PRUNE2: variants seen among roughly 807,000 people sequenced by gnomAD.
The protein encoded by PRUNE2 is prune homolog 2 with BCH domain.
A neutral mutation model predicts 252.0 loss-of-function variants in PRUNE2; 164 were observed. The observed-to-expected ratio is 0.65, with a 90% confidence interval of 0.57 to 0.74. The LOEUF (loss-of-function observed/expected upper bound fraction) is 0.74. Ranked by LOEUF, PRUNE2 falls within the 30% of genes least tolerant of loss-of-function variation. PRUNE2 has a pLI of 0.00. For missense variants in PRUNE2, 3,495 were observed against 3,711.0 expected, an observed-to-expected ratio of 0.94 and a Z score of 1.51; for synonymous variants, 1,292 against 1,350.2, an observed-to-expected ratio of 0.96 and a Z score of 0.94.
chr9:76,616,554 A>C (rs1162644035), intron 18 of PRUNE2, among the ~76,000 whole-genome samples: 1 of 152,192 alleles, frequency 6.6e-6, no homozygotes, highest in Non-Finnish European at 1.5e-5. Flanking sequence ...TAACACTTAC[A>C]CCAGGATGCC....
intron 6 of PRUNE2, among the ~76,000 whole-genome samples, chr9:76,714,837 G>A (rs1036561929): frequency 2.0e-5 from 3 of 152,066 alleles, no homozygotes; most frequent in East Asian, 1.9e-4. Flanking sequence ...AATGTTTGTC[G>A]GATGACTGGA....
chr9:76,717,096 A>G (rs17181032), intron 6 of PRUNE2, among the ~76,000 whole-genome samples: 2,776 of 152,328 alleles, frequency 0.018, 45 homozygotes, highest in East Asian at 0.085. Flanking sequence ...CAAATGAAGC[A>G]CTGATAAATC....
intron 6 of PRUNE2, among the ~76,000 whole-genome samples, chr9:76,714,394 T>C (rs899272940): frequency 6.6e-6 from 1 of 152,142 alleles, no homozygotes; most frequent in African/African-American, 2.4e-5. Context: ...TGTATGTATG[T>C]ACTTATTTAT....
chr9:76,656,944 T>C (rs1397605578), intron 9 of PRUNE2, among the ~76,000 whole-genome samples: 1 of 152,170 alleles, frequency 6.6e-6, no homozygotes, highest in East Asian at 1.9e-4. Context: ...GACAATAATG[T>C]ATCAGCAGGA....
At chr9:76,772,344 T>A (rs2053202392) in intron 6 of PRUNE2, among the ~76,000 whole-genome samples, 1 of 152,164 alleles carries the variant, frequency 6.6e-6, no homozygotes, top group Admixed American at 6.5e-5. Flanking sequence ...TTTTAATTTT[T>A]TTTTTAAATG....
chr9:76,695,944 G>A (rs906711012), intron 9 of PRUNE2, among the ~76,000 whole-genome samples: 3 of 152,176 alleles, frequency 2.0e-5, no homozygotes, highest in African/African-American at 7.2e-5. Context: ...ATAAGGCAGA[G>A]AGATGGAGCA....
chr9:76,644,602 C>T, intron 12 of PRUNE2, 137 bp downstream of exon 12: 1 of 793,984 alleles, frequency 1.3e-6, no homozygotes, highest in South Asian at 1.4e-5. Flanking sequence ...ATACTTAGCT[C>T]TATAGTTCCC....
chr9:76,879,969 A>C (rs1440217723), intron 1 of PRUNE2, among the ~76,000 whole-genome samples: 4 of 120,782 alleles, frequency 3.3e-5, no homozygotes, highest in Non-Finnish European at 4.7e-5. Context: ...GCTGGAGTGC[A>C]GTGGTGCAAT....
chr9:76,680,375 A>G (rs539041047), intron 9 of PRUNE2, among the ~76,000 whole-genome samples: 1 of 152,206 alleles, frequency 6.6e-6, no homozygotes, highest in Non-Finnish European at 1.5e-5. Context: ...ACAAAAAACC[A>G]AAAACCAGAA....
At chr9:76,865,844 CA>C (rs1564465986) in intron 1 of PRUNE2, among the ~76,000 whole-genome samples, 32 of 147,854 alleles carry the variant, frequency 2.2e-4, no homozygotes, top group African/African-American at 8.2e-4. Context: ...CACACACACA[CA>C]CACCAGAGCA....
At chr9:76,903,139 T>C (rs1400133616) in intron 1 of PRUNE2, among the ~76,000 whole-genome samples, 1 of 152,220 alleles carries the variant, frequency 6.6e-6, no homozygotes, top group Non-Finnish European at 1.5e-5. Context: ...GAATAATAAA[T>C]GTTCCCAGTC....
chr9:76,845,587 G>A (rs964037312), intron 4 of PRUNE2, among the ~76,000 whole-genome samples: 2 of 152,154 alleles, frequency 1.3e-5, no homozygotes, highest in South Asian at 2.1e-4. Flanking sequence ...TACACTTCTT[G>A]GACCTTTTCC....
chr9:76,686,285 A>G (rs2044079688), intron 9 of PRUNE2, among the ~76,000 whole-genome samples: 1 of 152,178 alleles, frequency 6.6e-6, no homozygotes, highest in African/African-American at 2.4e-5. Flanking sequence ...TTTTTGGGTT[A>G]CCAGGTCCCT....
At chr9:76,905,229 G>A (rs553460666) in intron 1 of PRUNE2, among the ~76,000 whole-genome samples, 174 of 152,290 alleles carry the variant, frequency 1.1e-3, no homozygotes, top group Non-Finnish European at 2.0e-3. Flanking sequence ...AACATACACA[G>A]TGGAGTTGCC....
At position 76,706,124 on chromosome 9, in the gene PRUNE2, T is replaced by G; in HGVS notation, c.6150A>C (p.Pro2050=). 1 of 1,614,036 alleles carries G rather than the reference T, an allele frequency of 6.2e-7. No homozygotes were observed. Among genetic ancestry groups the G allele is most frequent in the South Asian group, 1.1e-5 (1 of 91,088 alleles). Residue 2050 remains proline, a synonymous_variant, in exon 8 of 19, where the codon CCA becomes CCC. Transcript: ENST00000376718. The part of the protein sequence containing the change: ...PSEDSRGTFV[P]DILHGNFQEG... Reference sequence around the variant, plus strand: ...CTTGAAAGTTGCCATGTAAAATATCTGGCACAAAGGTACCTCGGGAGTCCT... The same window carrying G: ...CTTGAAAGTTGCCATGTAAAATATCGGGCACAAAGGTACCTCGGGAGTCCT...
intron 2 of PRUNE2, 139 bp downstream of exon 2, chr9:76,853,965 A>G (rs1287027152): frequency 6.4e-6 from 3 of 468,382 alleles, no homozygotes; most frequent in Non-Finnish European, 1.1e-5. Flanking sequence ...TTCATGGATG[A>G]TAATACTTTA....
intron 18 of PRUNE2, among the ~76,000 whole-genome samples, chr9:76,617,907 A>AG (rs1428701892): frequency 6.6e-6 from 1 of 152,154 alleles, no homozygotes; most frequent in Non-Finnish European, 1.5e-5. Flanking sequence ...TAACTGCTCA[A>AG]GGGGGGTGCT....
chr9:76,712,584 A>G (rs934005436), intron 7 of PRUNE2, among the ~76,000 whole-genome samples: 1 of 152,150 alleles, frequency 6.6e-6, no homozygotes, highest in African/African-American at 2.4e-5. Context: ...CAATGAACCA[A>G]TTTTCACATT....
Position 76,905,911 on chromosome 9 carries a change from T to C in PRUNE2, c.36+17A>G. On this transcript the variant is annotated intron_variant, in intron 1 of 18. Coordinates refer to ENST00000376718, the MANE Select transcript of PRUNE2 (RefSeq NM_015225.3). ...TACGCGCGCGCGCACACACACAGCT[T>C]TGCTCACTCAACTTACCAGTTTAGA... 6.2e-7 allele frequency: 1 copy of C among 1,614,160 alleles called. No homozygotes were observed. Among genetic ancestry groups the C allele is most frequent in the Admixed American group, 1.7e-5 (1 of 60,028 alleles).
Sources: allele counts gnomAD v4.1 joint callset (sites outside exome capture counted in the v4.1 genomes callset), GRCh38; gene constraint gnomAD v4.1.1; transcripts MANE v1.5; gene names NCBI Gene and HGNC (gene_info 2026-07-23, HGNC 2026-07-21).